The following PDXDC1 variants were observed in gnomAD, a reference collection of about 807,000 sequenced individuals.
PDXDC1 encodes pyridoxal dependent decarboxylase domain containing 1.
PDXDC1 carries 42 observed loss-of-function variants against 100.1 expected under a neutral mutation model. That is an observed-to-expected ratio of 0.42 (90% CI 0.33 to 0.54). The LOEUF is 0.54. PDXDC1 is among the 20% of genes least tolerant of loss of function. PDXDC1 has a pLI of 0.10. For missense variants in PDXDC1, 636 were observed against 979.2 expected, an observed-to-expected ratio of 0.65 and a Z score of 4.68; for synonymous variants, 260 against 371.7, an observed-to-expected ratio of 0.70 and a Z score of 3.46.
downstream of PDXDC1, among the ~76,000 whole-genome samples, chr16:15,142,617 G>A (rs994995956): frequency 1.3e-5 from 2 of 152,146 alleles, no homozygotes; most frequent in Admixed American, 1.3e-4. Context: ...ACAGGGACCA[G>A]TACAGGGATC....
intron 16 of PDXDC1, among the ~76,000 whole-genome samples, chr16:15,079,159 C>T (rs1177490805): frequency 3.5e-5 from 3 of 85,646 alleles, no homozygotes; most frequent in Non-Finnish European, 6.5e-5. Context: ...AGATTCAATT[C>T]CACAGGGAGC....
At position 15,071,017 on chromosome 16, in the gene PDXDC1, T is replaced by C. The variant is rs569520771; in HGVS notation, c.1399+40961T>C. On this transcript the variant is annotated intron_variant, in intron 16 of 16. Coordinates refer to the PDXDC1 transcript ENST00000535621. ...CACAGAGTAGGGATTTTATTCACTT[T>C]AAAAACATGCCAAAAAAAATGGGAG... The C allele has an allele frequency of 8.6e-6, 9 of 1,041,124 alleles. No individual in the cohort carries two copies. In the East Asian group the frequency reaches 2.0e-4, roughly 23 times the overall value. The allele number at this position is 1,041,124 out of a possible 1,614,324, so 64.5% of individuals were successfully genotyped here.
At chr16:15,140,776 C>T (rs2151933981), downstream of PDXDC1, among the ~76,000 whole-genome samples, 1 of 152,242 alleles carries the variant, frequency 6.6e-6, no homozygotes, top group African/African-American at 2.4e-5. Context: ...ACCCTGCCGC[C>T]CACCCTGGGC....
chr16:15,127,785 G>T, intron 16 of PDXDC1: 1 of 1,555,888 alleles, frequency 6.4e-7, no homozygotes, highest in Non-Finnish European at 8.7e-7. Flanking sequence ...GGATGCGAGT[G>T]AAACAGCTAC....
chr16:15,086,345 A>G (rs1236177849), intron 16 of PDXDC1: 3 of 1,613,102 alleles, frequency 1.9e-6, no homozygotes, highest in Non-Finnish European at 1.7e-6. Flanking sequence ...ACTTTACAGT[A>G]AAATAAATGG....
Position 15,080,079 on chromosome 16 carries a change from G to A in PDXDC1, c.1399+50023G>A, listed in dbSNP as rs771307152. ...GAAAATATACACTAATCCTTAGTAA[G>A]TTATGAACGTAACATTCCTAAAGGA... On this transcript the variant is annotated intron_variant, in intron 16 of 16. Coordinates refer to the PDXDC1 transcript ENST00000535621. The A allele has an allele frequency of 5.1e-5, 82 of 1,598,534 alleles. No individual in the cohort carries two copies. In the South Asian group the frequency reaches 8.5e-4, roughly 17 times the overall value.
At chr16:15,144,892 C>G in the PDXDC1 span, among the ~76,000 whole-genome samples, 1 of 152,176 alleles carries the variant, frequency 6.6e-6, no homozygotes, top group Admixed American at 6.5e-5. Context: ...TGCCACCTGC[C>G]GCTGGGGTCG....
rs1966585698 is a variant in PDXDC1 at position 14,975,079 on chromosome 16, T to C, written c.-121T>C. On this transcript the variant is annotated 5_prime_UTR_variant, in exon 1 of 23. Coordinates refer to ENST00000396410, the MANE Select transcript of PDXDC1 (RefSeq NM_015027.4). ...GGCGCCGCCTGGCAGCTCCTCCTCTTCTCCGCCCCGCCGGCCGCGGGCGCG... is the reference window on the plus strand; with the variant it reads ...GGCGCCGCCTGGCAGCTCCTCCTCTCCTCCGCCCCGCCGGCCGCGGGCGCG... The C allele has an allele frequency of 4.1e-6, 6 of 1,479,572 alleles. No individual in the cohort carries two copies. The highest frequency in any genetic ancestry group is 5.3e-6 in the Non-Finnish European group (6 of 1,126,366). The allele number at this position is 1,479,572 out of a possible 1,614,324, so 91.7% of individuals were successfully genotyped here.
intron 16 of PDXDC1, among the ~76,000 whole-genome samples, chr16:15,092,995 T>A (rs1296111072): frequency 6.6e-6 from 1 of 152,196 alleles, no homozygotes; most frequent in Non-Finnish European, 1.5e-5. Flanking sequence ...TTTTCCCAAA[T>A]CTCTACGTGG....
chr16:15,090,259 C>T (rs1189440074), intron 16 of PDXDC1, among the ~76,000 whole-genome samples: 1 of 151,766 alleles, frequency 6.6e-6, no homozygotes, highest in Non-Finnish European at 1.5e-5. Flanking sequence ...ACATGGGTAA[C>T]CTGTCAGGGT....
intron 1 of PDXDC1, among the ~76,000 whole-genome samples, chr16:14,982,580 C>G: frequency 6.6e-6 from 1 of 152,268 alleles, no homozygotes; most frequent in Non-Finnish European, 1.5e-5. Flanking sequence ...TGGGAGGAGA[C>G]AAAAGTTCTG....
rs373491116 is a variant in PDXDC1, at chr16:14,986,904, G to A, written c.22-10849G>A. On this transcript the variant is annotated intron_variant, in intron 1 of 22. Transcript: ENST00000396410. ...TGGGACTACAGGCGCACACCGCCAC[G>A]TCCAGCTAATATTTGTATTTTTAGT... Among the ~76,000 whole-genome samples, 1,168 of 152,002 alleles carry A rather than the reference G, an allele frequency of 7.7e-3. 1 individual carries two copies. The highest frequency in any genetic ancestry group is 0.026 in the African/African-American group (1,061 of 41,240).
chr16:14,999,509 G>A lies in PDXDC1; in HGVS notation c.161+1104G>A, dbSNP rs1437790251. On this transcript the variant is annotated intron_variant, in intron 3 of 22. Transcript: ENST00000396410. ...GGATGGCTTGAGTCAAGGAGTTCGA[G>A]GCCACCCTGAACAACATGGCGAGAC... Among the ~76,000 whole-genome samples, 5 of 152,280 alleles carry A rather than the reference G, an allele frequency of 3.3e-5. No homozygotes were observed. The South Asian group carries it at 8.3e-4, about 25-fold the overall frequency.
intron 16 of PDXDC1, among the ~76,000 whole-genome samples, chr16:15,057,270 ACT>A (rs769132183): frequency 6.6e-6 from 1 of 151,552 alleles, no homozygotes; most frequent in South Asian, 2.1e-4. Flanking sequence ...ACCCAAAATA[ACT>A]CTATTTCTAG....
chr16:15,021,351 C>T (rs1210897786), intron 12 of PDXDC1, among the ~76,000 whole-genome samples: 1 of 152,262 alleles, frequency 6.6e-6, no homozygotes, highest in East Asian at 1.9e-4. Context: ...CACTACTCCA[C>T]TCCAGCCTGG....
At chr16:15,033,094 C>T (rs1013675596) in intron 18 of PDXDC1, 115 bp downstream of exon 18, 30 of 962,560 alleles carry the variant, frequency 3.1e-5, no homozygotes, top group Middle Eastern at 2.1e-4. Flanking sequence ...GGGTTCCAGG[C>T]GAAGATGCGG....
downstream of PDXDC1, among the ~76,000 whole-genome samples, chr16:15,142,395 C>A (rs1193063288): frequency 6.6e-6 from 1 of 152,142 alleles, no homozygotes; most frequent in Non-Finnish European, 1.5e-5. Context: ...CTCACCCCAG[C>A]CCAAGGCCCA....
At chr16:15,073,221 T>C in intron 16 of PDXDC1, 3 of 929,620 alleles carry the variant, frequency 3.2e-6, no homozygotes, top group Non-Finnish European at 4.9e-6. Flanking sequence ...ATCCCAGCAC[T>C]TTGGGAGGCC....
chr16:15,035,249 C>T (rs1288920897), intron 21 of PDXDC1, among the ~76,000 whole-genome samples, 200 bp from the exon 22 acceptor site: 1 of 152,180 alleles, frequency 6.6e-6, no homozygotes, highest in African/African-American at 2.4e-5. Flanking sequence ...ATACTGCTGG[C>T]GGATGCTGGC....
Sources: gnomAD v4.1 joint callset for allele counts (sites outside exome capture counted in the v4.1 genomes callset) on GRCh38, gnomAD v4.1.1 for gene constraint, MANE v1.5 for transcripts, NCBI Gene and HGNC (gene_info 2026-07-23, HGNC 2026-07-21) for gene names.